The following CKS1B variants were observed in gnomAD, a reference collection of about 807,000 sequenced individuals.
CKS1B encodes cyclin-dependent kinases regulatory subunit 1.
Under a neutral mutation model 12.2 loss-of-function variants are expected in CKS1B, and 5 were observed. The ratio of observed to expected loss-of-function variants is 0.41; its 90% CI spans 0.21 to 0.86. CKS1B has a LOEUF of 0.86. Ranked by LOEUF, CKS1B falls within the 40% of genes least tolerant of loss-of-function variation. The pLI, the probability that CKS1B is intolerant of heterozygous loss-of-function variation, is 0.32. For synonymous variants in CKS1B, 24 were observed against 34.4 expected, an observed-to-expected ratio of 0.70 and a Z score of 1.06; for missense variants, 53 against 99.9, an observed-to-expected ratio of 0.53 and a Z score of 2.00.
At chr1:154,978,676 T>C (rs765161421) in intron 2 of CKS1B, 49 bp from the exon 3 acceptor site, 1 of 1,517,550 alleles carries the variant, frequency 6.6e-7, no homozygotes, top group South Asian at 1.1e-5. Context: ...CTATAGGTTG[T>C]ACATAGAATG....
At chr1:154,974,984 A>G in intron 1 of CKS1B, 180 bp downstream of exon 1, 2 of 1,589,390 alleles carry the variant, frequency 1.3e-6, no homozygotes, top group East Asian at 2.2e-5. Context: ...GCGCTCGTAA[A>G]ACAAAGTGGT....
In CKS1B at chr1:154,975,102, C is replaced by T. The variant is rs1467941386; in HGVS notation, c.59+298C>T. On this transcript the variant is annotated intron_variant, in intron 1 of 2. Coordinates refer to ENST00000308987, the MANE Select transcript of CKS1B (RefSeq NM_001826.3). ...TTCTGGATCATTCTCTGAACTTTAT[C>T]GGGCAAACTTAACTTGCCTTGTAGA... 1.2e-5 allele frequency: 8 copies of T among 660,550 alleles called. No individual in the cohort carries two copies. In the East Asian group the frequency reaches 1.3e-4, roughly 11 times the overall value. 40.9% of individuals were successfully genotyped at this position (660,550 alleles called of 1,614,324 possible).
rs200676306 is a variant in CKS1B, at chr1:154,978,121, G to C, written c.187+7G>C. 86 of 1,613,542 alleles carry C rather than the reference G, an allele frequency of 5.3e-5. No homozygotes were observed. Among genetic ancestry groups the C allele is most frequent in the Non-Finnish European group, 6.0e-5 (71 of 1,179,862 alleles). On this transcript the variant is annotated splice_region_variant and intron_variant, in intron 2 of 2. Transcript: ENST00000308987. ...TATATGATCCATGAACCAGGTCAGT[G>C]CACTGGCTAAAAACAACCATATAGA...
chr1:154,975,082 G>C (rs192775259), intron 1 of CKS1B: 1 of 727,086 alleles, frequency 1.4e-6, no homozygotes, highest in Admixed American at 2.2e-5. Context: ...AGGCTTTCTG[G>C]ATCATTCTCT....
chr1:154,975,194 C>T (rs1657128137), intron 1 of CKS1B: 1 of 583,816 alleles, frequency 1.7e-6, no homozygotes, highest in African/African-American at 1.9e-5. Context: ...TGGAAGTTTC[C>T]TGGCGTCCCT....
chr1:154,977,080 T>C (rs1304636454), intron 1 of CKS1B, among the ~76,000 whole-genome samples: 1 of 152,172 alleles, frequency 6.6e-6, no homozygotes, highest in East Asian at 1.9e-4. Flanking sequence ...TGGAGTGCAG[T>C]GGCTATTCAC....
intron 1 of CKS1B, chr1:154,975,216 A>C (rs1014757232): frequency 5.8e-5 from 33 of 568,158 alleles, no homozygotes; most frequent in Middle Eastern, 4.7e-4. Flanking sequence ...ACAGGAGAGT[A>C]GCGCTGAGAG....
At chr1:154,976,607 A>G (rs1007425505) in intron 1 of CKS1B, among the ~76,000 whole-genome samples, 2 of 152,188 alleles carry the variant, frequency 1.3e-5, no homozygotes, top group Non-Finnish European at 2.9e-5. Flanking sequence ...AAACTAACTT[A>G]AAACTGTATG....
rs897442647 is a variant in CKS1B, at chr1:154,977,974, G to A, written c.60-13G>A. On this transcript the variant is annotated splice_polypyrimidine_tract_variant and intron_variant, in intron 1 of 2. Transcript: ENST00000308987. The stretch of plus-strand genomic sequence containing the variant: ...ACTAACATAAATTCCCCACTTCCCC[G>A]TTTCTGTTACAGACATGTCATGCTG... 6 of 1,609,736 alleles carry A rather than the reference G, an allele frequency of 3.7e-6. No individual in the cohort carries two copies. Among genetic ancestry groups the A allele is most frequent in the East Asian group, 2.2e-5 (1 of 44,706 alleles).
chr1:154,974,997 C>A, intron 1 of CKS1B, 193 bp downstream of exon 1: 10 of 1,540,304 alleles, frequency 6.5e-6, no homozygotes, highest in African/African-American at 1.4e-5. Flanking sequence ...AAAGTGGTTG[C>A]GAATTTGGAG....
At chr1:154,978,646 G>C in intron 2 of CKS1B, 79 bp from the exon 3 acceptor site, 1 of 1,157,898 alleles carries the variant, frequency 8.6e-7, no homozygotes, top group South Asian at 1.3e-5. Flanking sequence ...TGATAGCTGG[G>C]GAGGTGGTAG....
At position 154,978,831 on chromosome 1, in the gene CKS1B, A is replaced by G; in HGVS notation, c.*54A>G. ...CTTTACACAGCTGTCCTTACTTCCT[A>G]ACATCTTTCTGATAACATTATTATG... On this transcript the variant is annotated 3_prime_UTR_variant, in exon 3 of 3. Coordinates refer to ENST00000308987, the MANE Select transcript of CKS1B (RefSeq NM_001826.3). The G allele has an allele frequency of 1.9e-6, 2 of 1,050,616 alleles. No individual in the cohort carries two copies. Among genetic ancestry groups the G allele is most frequent in the Non-Finnish European group, 3.0e-6 (2 of 676,484 alleles). 65.1% of individuals were successfully genotyped at this position (1,050,616 alleles called of 1,614,324 possible). A position where few individuals can be genotyped will look rare whatever the true frequency, so the allele number is the denominator to read the frequency against.
chr1:154,979,013 G>C lies in CKS1B; in HGVS notation c.*236G>C. On this transcript the variant is annotated 3_prime_UTR_variant, in exon 3 of 3. Transcript: ENST00000308987. Reference sequence around the variant, plus strand: ...ACAGCCTAAGCTGAGTGTGACCCCAGAAGCCACGATGTGCTCTGTATCCAG... The same window carrying C: ...ACAGCCTAAGCTGAGTGTGACCCCACAAGCCACGATGTGCTCTGTATCCAG... 1 of 531,572 alleles carries C rather than the reference G, an allele frequency of 1.9e-6. No individual in the cohort carries two copies. Among genetic ancestry groups the C allele is most frequent in the Non-Finnish European group, 3.4e-6 (1 of 293,494 alleles). 32.9% of individuals were successfully genotyped at this position (531,572 alleles called of 1,614,324 possible). A position where few individuals can be genotyped will look rare whatever the true frequency, so the allele number is the denominator to read the frequency against.
In CKS1B at chr1:154,977,764, T is replaced by G. The variant is rs1571471028; in HGVS notation, c.60-223T>G. 11 of 499,644 alleles carry G rather than the reference T, an allele frequency of 2.2e-5. No individual in the cohort carries two copies. The East Asian group carries it at 3.8e-4, about 17-fold the overall frequency. The allele number at this position is 499,644 out of a possible 1,614,324, so 31.0% of individuals were successfully genotyped here. On this transcript the variant is annotated intron_variant, in intron 1 of 2. Transcript: ENST00000308987. ...GAAAATGTGCCTTGAACTTAAGTGC[T>G]CATTCACTGGAATTATTCACTAATT...
Position 154,978,629 on chromosome 1 carries a change from G to A in CKS1B, c.188-96G>A, listed in dbSNP as rs1657248144. 3.0e-6 allele frequency: 3 copies of A among 984,662 alleles called. No homozygotes were observed. The South Asian group carries it at 4.1e-5, about 13-fold the overall frequency. The allele number at this position is 984,662 out of a possible 1,614,324, so 61.0% of individuals were successfully genotyped here. On this transcript the variant is annotated intron_variant, in intron 2 of 2. Coordinates refer to ENST00000308987, the MANE Select transcript of CKS1B (RefSeq NM_001826.3). ...AGTCTTTATTTAGTTATAAAGATCT[G>A]AGTGGGTGATAGCTGGGGAGGTGGT...
chr1:154,976,903 TC>T (rs1657201107), intron 1 of CKS1B, among the ~76,000 whole-genome samples: 2 of 152,214 alleles, frequency 1.3e-5, no homozygotes, highest in South Asian at 4.1e-4. Flanking sequence ...TTGATTCACA[TC>T]AGGGTAATAA....
Position 154,978,807 on chromosome 1 carries a change from T to G in CKS1B, c.*30T>G, listed in dbSNP as rs759179896. Reference sequence around the variant, plus strand: ...GGCAAGCTACTTTTCAGCCTCAAGCTTTACACAGCTGTCCTTACTTCCTAA... The same window carrying G: ...GGCAAGCTACTTTTCAGCCTCAAGCGTTACACAGCTGTCCTTACTTCCTAA... On this transcript the variant is annotated 3_prime_UTR_variant, in exon 3 of 3. Transcript: ENST00000308987. 3.4e-5 allele frequency: 46 copies of G among 1,345,972 alleles called. No individual in the cohort carries two copies. The highest frequency in any genetic ancestry group is 4.9e-5 in the Non-Finnish European group (46 of 937,388). The allele number at this position is 1,345,972 out of a possible 1,614,324, so 83.4% of individuals were successfully genotyped here.
chr1:154,976,238 G>C (rs368041645), intron 1 of CKS1B, among the ~76,000 whole-genome samples: 43 of 152,350 alleles, frequency 2.8e-4, no homozygotes, highest in African/African-American at 9.9e-4. Context: ...GCCAAGGATG[G>C]TGATGATGGA....
At chr1:154,975,056 AC>A in intron 1 of CKS1B, 1 of 874,176 alleles carries the variant, frequency 1.1e-6, no homozygotes, top group Non-Finnish European at 1.9e-6. Flanking sequence ...TAGGGTACTG[AC>A]CACCCTCACC....
Sources: gnomAD v4.1 joint callset for allele counts (sites outside exome capture counted in the v4.1 genomes callset) on GRCh38, gnomAD v4.1.1 for gene constraint, MANE v1.5 for transcripts, NCBI Gene and HGNC (gene_info 2026-07-23, HGNC 2026-07-21) for gene names.